Variants in SATL1 observed in about 807,000 individuals in gnomAD.
SATL1 encodes spermidine/spermine N(1)-acetyltransferase-like protein 1.
In SATL1, 47 loss-of-function variants were observed where a neutral mutation model predicts 51.8. The ratio of observed to expected loss-of-function variants is 0.91; its 90% CI spans 0.72 to 1.16. SATL1 has a LOEUF of 1.16. Among genes scored for constraint, SATL1 ranks in the 50% most tolerant of loss-of-function variants. The probability of loss-of-function intolerance (pLI) is 0.00; values close to 1 mark genes in which losing one functional copy is unlikely to be tolerated. For synonymous variants in SATL1, 176 were observed against 182.4 expected (o/e 0.97, Z 0.28); for missense variants, 520 against 526.4 (o/e 0.99, Z 0.12).
chrX:85,173,476 T>C (rs902288041), intron 2 of SATL1, among the ~76,000 whole-genome samples: 3 of 111,039 alleles, frequency 2.7e-5, no homozygotes, highest in South Asian at 3.7e-4. Context: ...TTCCCCATTA[T>C]TGAAATTTTT....
intron 2 of SATL1, among the ~76,000 whole-genome samples, chrX:85,112,466 T>C (rs1385658972): frequency 1.8e-5 from 2 of 111,478 alleles, no homozygotes; most frequent in African/African-American, 6.5e-5. Context: ...GGTCTATATA[T>C]GTTGACTTAC....
At chrX:85,157,837 C>G (rs1926631360) in intron 2 of SATL1, among the ~76,000 whole-genome samples, 1 of 111,137 alleles carries the variant, frequency 9.0e-6, no homozygotes, top group African/African-American at 3.3e-5. Context: ...TAACCATTTC[C>G]TAAACTTTCC....
At chrX:85,099,190 T>C (rs1020447071) in intron 4 of SATL1, among the ~76,000 whole-genome samples, 1 of 111,402 alleles carries the variant, frequency 9.0e-6, no homozygotes, top group African/African-American at 3.3e-5. Flanking sequence ...CCTTCAAACA[T>C]GCAAATTACC....
chrX:85,186,931 T>C (rs1417716765), intron 2 of SATL1, among the ~76,000 whole-genome samples: 1 of 111,775 alleles, frequency 8.9e-6, no homozygotes, highest in Non-Finnish European at 1.9e-5. Flanking sequence ...TAGTTTGATA[T>C]AGATTGCTTT....
intron 2 of SATL1, among the ~76,000 whole-genome samples, chrX:85,136,500 T>C (rs781162431): frequency 3.6e-5 from 4 of 112,012 alleles, no homozygotes; most frequent in Non-Finnish European, 7.5e-5. Flanking sequence ...AAGACAGTAA[T>C]GTCACAGAAT....
chrX:85,118,104 C>G (rs867676886), intron 2 of SATL1, among the ~76,000 whole-genome samples: 1 of 22,603 alleles, frequency 4.4e-5, no homozygotes, highest in Non-Finnish European at 1.3e-4. Flanking sequence ...TTTTTTTTTT[C>G]CAGAGTGCAG....
intron 2 of SATL1, among the ~76,000 whole-genome samples, chrX:85,128,144 T>C (rs776250187): frequency 8.0e-5 from 9 of 111,839 alleles, no homozygotes; most frequent in African/African-American, 2.3e-4. Context: ...TGATTTATAA[T>C]CCTTTGGGTA....
chrX:85,115,400 A>C (rs1350469743), intron 2 of SATL1, among the ~76,000 whole-genome samples: 2 of 112,720 alleles, frequency 1.8e-5, no homozygotes, highest in Non-Finnish European at 3.7e-5. Context: ...AGTATATGGT[A>C]AGTCATAAAC....
In SATL1 at chrX:85,170,590, C is replaced by G. The variant is rs187896179; in HGVS notation, c.-313+53615G>C. Reference sequence around the variant, plus strand: ...TCTGTTTTTACTTTCACTTAAAAGTCTGTCTTTTGGTTTGTATACAGCCAT... The same window carrying G: ...TCTGTTTTTACTTTCACTTAAAAGTGTGTCTTTTGGTTTGTATACAGCCAT... On this transcript the variant is annotated intron_variant, in intron 2 of 7. Transcript: ENST00000644105. 2.1e-3 allele frequency among the ~76,000 whole-genome samples: 230 copies of G among 111,371 alleles called. 3 individuals carry two copies. The highest frequency in any genetic ancestry group is 3.4e-3 in the Non-Finnish European group (182 of 52,773).
intron 2 of SATL1, among the ~76,000 whole-genome samples, chrX:85,118,887 G>C (rs1388671895): frequency 9.0e-6 from 1 of 111,076 alleles, no homozygotes; most frequent in Non-Finnish European, 1.9e-5. Context: ...TACAAGTTTT[G>C]TCAACTAAAG....
intron 2 of SATL1, among the ~76,000 whole-genome samples, chrX:85,187,683 G>A (rs1927343093): frequency 9.0e-6 from 1 of 111,480 alleles, no homozygotes; most frequent in Admixed American, 9.6e-5. Context: ...TGATCATGGT[G>A]TATTACCTTT....
intron 2 of SATL1, among the ~76,000 whole-genome samples, chrX:85,175,964 G>A (rs1021575816): frequency 9.0e-6 from 1 of 111,614 alleles, no homozygotes; most frequent in African/African-American, 3.3e-5. Context: ...TCTGAGGGCA[G>A]AGAGCAAAGA....
intron 2 of SATL1, among the ~76,000 whole-genome samples, chrX:85,177,818 A>G (rs759491010): frequency 9.0e-6 from 1 of 111,480 alleles, no homozygotes; most frequent in South Asian, 3.7e-4. Flanking sequence ...GGTGGGGGAA[A>G]TTTCAGCTCA....
At chrX:85,217,096 G>C (rs1193877105) in intron 2 of SATL1, among the ~76,000 whole-genome samples, 1 of 111,820 alleles carries the variant, frequency 8.9e-6, no homozygotes, top group African/African-American at 3.3e-5. Context: ...GATGAAAAAC[G>C]TTATTGTCTT....
chrX:85,104,144 A>C (rs1602831604), intron 3 of SATL1, among the ~76,000 whole-genome samples: 1 of 111,837 alleles, frequency 8.9e-6, no homozygotes, highest in Non-Finnish European at 1.9e-5. Flanking sequence ...TATACCTCAC[A>C]CATATGAATG....
intron 1 of SATL1, among the ~76,000 whole-genome samples, chrX:85,226,956 G>T (rs1396124023): frequency 1.8e-5 from 2 of 111,048 alleles, no homozygotes; most frequent in Non-Finnish European, 3.8e-5. Flanking sequence ...ACCTACTGCA[G>T]ATTCCATAAT....
chrX:85,132,869 A>G (rs1047287638), intron 2 of SATL1, among the ~76,000 whole-genome samples: 13 of 111,924 alleles, frequency 1.2e-4, no homozygotes, highest in Admixed American at 5.7e-4. Context: ...TGTTGATGCT[A>G]TTCCTTTCTG....
chrX:85,207,136 T>C (rs866495266), intron 2 of SATL1: 2 of 111,602 alleles, frequency 1.8e-5, no homozygotes, highest in Non-Finnish European at 3.8e-5. Context: ...AATTGTAGGA[T>C]AGGCTGAGCA....
rs750737707 is a variant in SATL1 at position 85,151,407 on chromosome X, G to T, written c.-312-42127C>A. Among the ~76,000 whole-genome samples the T allele has an allele frequency of 2.7e-5, 3 of 111,025 alleles. No individual in the cohort carries two copies. In the East Asian group the frequency reaches 8.5e-4, roughly 32 times the overall value. On this transcript the variant is annotated intron_variant, in intron 2 of 7. Coordinates refer to ENST00000644105, the MANE Select transcript of SATL1 (RefSeq NM_001367857.2). ...CCATACTGCCCAAGGTAATTTATAG[G>T]TTCAATGCCATTCCCATCAACCTAC... is the stretch of plus-strand genomic sequence containing the variant.
Sources: allele counts gnomAD v4.1 joint callset (sites outside exome capture counted in the v4.1 genomes callset), GRCh38; gene constraint gnomAD v4.1.1; transcripts MANE v1.5; gene names NCBI Gene and HGNC (gene_info 2026-07-23, HGNC 2026-07-21).